The following ECM2 variants were observed in gnomAD, a reference collection of about 807,000 sequenced individuals.
ECM2 encodes extracellular matrix protein 2, also known as extracellular matrix protein 2, female organ and adipocyte specific.
Under a neutral mutation model 67.5 loss-of-function variants are expected in ECM2, and 57 were observed. The observed-to-expected ratio is 0.84, with a 90% CI of 0.68 to 1.05. The LOEUF (loss-of-function observed/expected upper bound fraction) is 1.05, where lower values mean the gene tolerates loss of function less well. Among genes scored for constraint, ECM2 ranks in the 50% least tolerant of loss-of-function variants. The pLI is 0.00. For missense variants in ECM2, 741 were observed against 822.8 expected (o/e 0.90, Z 1.22); for synonymous variants, 258 against 294.5 (o/e 0.88, Z 1.27).
At chr9:92,494,828 AC>A (rs1195207368), downstream of ECM2, among the ~76,000 whole-genome samples, 2 of 151,968 alleles carry the variant, frequency 1.3e-5, no homozygotes, top group Admixed American at 6.6e-5. Context: ...AATCGCTTGA[AC>A]CCAGGAGGCA....
chr9:92,532,162 G>A (rs1303453541), intron 1 of ECM2, among the ~76,000 whole-genome samples: 4 of 150,748 alleles, frequency 2.7e-5, no homozygotes, highest in South Asian at 4.2e-4. Context: ...CACCCGGCTC[G>A]AAGATACAAT....
the ECM2 span, among the ~76,000 whole-genome samples, chr9:92,543,591 A>C: frequency 6.6e-6 from 1 of 151,900 alleles, no homozygotes; most frequent in Non-Finnish European, 1.5e-5. Flanking sequence ...TGAAAAAAAA[A>C]GTTGAAATTT....
rs1241259901 is a variant in ECM2 at position 92,514,940 on chromosome 9, C to G, written c.745G>C (p.Asp249His). 1.2e-6 allele frequency: 2 copies of G among 1,613,972 alleles called. No individual in the cohort carries two copies. Among genetic ancestry groups the G allele is most frequent in the Non-Finnish European group, 1.7e-6 (2 of 1,179,992 alleles). The change falls in exon 4 of 10, where the codon GAC (aspartate) becomes CAC (histidine). Residue 249 changes from aspartate (D) to histidine (H), a missense_variant. Transcript: ENST00000344604. ...TCCTCTCCAGGCCTCTGCTTTCTGT[C>G]TCCTCCTCTGCTGTCCCCCTCACTG... is the stretch of plus-strand genomic sequence containing the variant. ...LYSEGDSRGG[D>H]RKQRPGEERR...
intron 3 of ECM2, among the ~76,000 whole-genome samples, 196 bp from the exon 4 acceptor site, chr9:92,515,399 C>T (rs1445415555): frequency 2.0e-5 from 3 of 152,138 alleles, no homozygotes; most frequent in African/African-American, 7.2e-5. Context: ...ATATCTGTTA[C>T]ATTTTATTCA....
intron 6 of ECM2, among the ~76,000 whole-genome samples, chr9:92,509,650 A>C (rs1207272793): frequency 1.3e-5 from 2 of 152,228 alleles, no homozygotes; most frequent in African/African-American, 4.8e-5. Context: ...TGCCTTGTGA[A>C]TAATAAGAAC....
At chr9:92,518,256 T>C (rs1413629929) in intron 2 of ECM2, among the ~76,000 whole-genome samples, 1 of 152,224 alleles carries the variant, frequency 6.6e-6, no homozygotes, top group African/African-American at 2.4e-5. Flanking sequence ...TCATATTCAC[T>C]CAGGATTCAT....
intron 8 of ECM2, 36 bp downstream of exon 8, chr9:92,502,477 T>C (rs779113471): frequency 5.0e-6 from 8 of 1,603,462 alleles, no homozygotes; most frequent in Non-Finnish European, 6.8e-6. Flanking sequence ...GAGGAAGAAA[T>C]AGTTCAATAA....
At chr9:92,548,107 A>T in the ECM2 span, among the ~76,000 whole-genome samples, 1 of 152,214 alleles carries the variant, frequency 6.6e-6, no homozygotes, top group Non-Finnish European at 1.5e-5. Flanking sequence ...AAAAATAAAT[A>T]GTGGTTTGGC....
intron 2 of ECM2, among the ~76,000 whole-genome samples, chr9:92,518,428 G>A (rs1287169395): frequency 6.6e-6 from 1 of 152,184 alleles, no homozygotes; most frequent in Non-Finnish European, 1.5e-5. Context: ...TGACCAGAGA[G>A]CTGAGCTAGC....
At chr9:92,556,117 T>G in the ECM2 span, among the ~76,000 whole-genome samples, 1 of 152,218 alleles carries the variant, frequency 6.6e-6, no homozygotes, top group South Asian at 2.1e-4. Context: ...AATAATTTTT[T>G]AATTTCCATC....
At chr9:92,550,546 G>GT in the ECM2 span, among the ~76,000 whole-genome samples, 927 of 147,996 alleles carry the variant, frequency 6.3e-3, 14 homozygotes, top group African/African-American at 0.019. Flanking sequence ...TCTTAGACCT[G>GT]TTTTTTTTTT....
intron 8 of ECM2, among the ~76,000 whole-genome samples, chr9:92,501,601 G>A (rs746225992): frequency 3.9e-5 from 6 of 152,192 alleles, no homozygotes; most frequent in African/African-American, 7.2e-5. Context: ...TCTGGGGAAC[G>A]TGGTGAACTC....
chr9:92,546,441 G>A, the ECM2 span, among the ~76,000 whole-genome samples: 2 of 152,122 alleles, frequency 1.3e-5, no homozygotes, highest in African/African-American at 4.8e-5. Flanking sequence ...ACTCATGGGG[G>A]AAGATCTGCA....
At chr9:92,516,077 C>A (rs957923566) in intron 3 of ECM2, among the ~76,000 whole-genome samples, 2 of 149,892 alleles carry the variant, frequency 1.3e-5, no homozygotes, top group Admixed American at 6.6e-5. Flanking sequence ...TTTTTTCCCC[C>A]CCCCGAGACG....
chr9:92,524,263 C>T (rs1468385489), intron 1 of ECM2, among the ~76,000 whole-genome samples: 1 of 152,102 alleles, frequency 6.6e-6, no homozygotes, highest in African/African-American at 2.4e-5. Flanking sequence ...AGGTAAGAGT[C>T]AGGAAGAGTA....
intron 2 of ECM2, among the ~76,000 whole-genome samples, chr9:92,519,306 G>A (rs1847921092): frequency 6.6e-6 from 1 of 152,040 alleles, no homozygotes; most frequent in African/African-American, 2.4e-5. Context: ...TTGCAGAAAT[G>A]GAAAAGCTGA....
intron 5 of ECM2, among the ~76,000 whole-genome samples, chr9:92,510,825 A>T (rs1436342906): frequency 6.6e-6 from 1 of 152,202 alleles, no homozygotes; most frequent in Non-Finnish European, 1.5e-5. Context: ...GGACCCCCTA[A>T]TGCTAGCCAT....
the ECM2 span, among the ~76,000 whole-genome samples, chr9:92,546,516 C>G: frequency 1.3e-3 from 202 of 151,940 alleles, 4 homozygotes; most frequent in East Asian, 0.025. Context: ...CCAGACGCAC[C>G]GCCTTAAGAG....
At chr9:92,507,742 GC>G (rs1847093478) in intron 6 of ECM2, among the ~76,000 whole-genome samples, 2 of 152,184 alleles carry the variant, frequency 1.3e-5, no homozygotes, top group African/African-American at 4.8e-5. Context: ...TTTAAAGCGT[GC>G]CTGGTTTTCC....
Sources: gnomAD v4.1 joint callset for allele counts (sites outside exome capture counted in the v4.1 genomes callset) on GRCh38, gnomAD v4.1.1 for gene constraint, MANE v1.5 for transcripts, NCBI Gene and HGNC (gene_info 2026-07-23, HGNC 2026-07-21) for gene names.